Variants in CYSLTR2 observed in about 807,000 individuals in gnomAD.
CYSLTR2 encodes G-protein coupled receptor GPCR21.
For missense variants in CYSLTR2, 398 were observed against 411.9 expected, an observed-to-expected ratio of 0.97 and a Z score of 0.29; for synonymous variants, 179 against 160.8, an observed-to-expected ratio of 1.11 and a Z score of -0.86.
At chr13:48,657,234 C>T (rs1414668044) in intron 1 of CYSLTR2, among the ~76,000 whole-genome samples, 1 of 152,178 alleles carries the variant, frequency 6.6e-6, no homozygotes, top group African/African-American at 2.4e-5. Context: ...AGGAAAACCT[C>T]TTCCAATGGA....
In CYSLTR2 at chr13:48,672,449, A is replaced by T. The variant is rs187919388; in HGVS notation, c.-266+18432A>T. Among the ~76,000 whole-genome samples the T allele has an allele frequency of 2.2e-4, 33 of 152,138 alleles. No individual in the cohort carries two copies. In the East Asian group the frequency reaches 6.4e-3, roughly 29 times the overall value. Reference sequence around the variant, plus strand: ...AAATTTCCTTCTAAACAGTGCTTTAACTGTGTCCCAGAGGTTCTGATACAT... The same window carrying T: ...AAATTTCCTTCTAAACAGTGCTTTATCTGTGTCCCAGAGGTTCTGATACAT... On this transcript the variant is annotated intron_variant, in intron 1 of 4. Transcript: ENST00000682523.
At chr13:48,679,107 G>A (rs533075958) in intron 1 of CYSLTR2, among the ~76,000 whole-genome samples, 1 of 152,112 alleles carries the variant, frequency 6.6e-6, no homozygotes, top group East Asian at 1.9e-4. Context: ...CTTCACCTAG[G>A]CTCTACTATA....
chr13:48,693,922 G>T (rs1225182832), intron 3 of CYSLTR2, among the ~76,000 whole-genome samples: 1 of 152,188 alleles, frequency 6.6e-6, no homozygotes, highest in Non-Finnish European at 1.5e-5. Flanking sequence ...AGTTCCTCAA[G>T]GTGGCCATTG....
Sources: allele counts gnomAD v4.1 joint callset (sites outside exome capture counted in the v4.1 genomes callset), GRCh38; gene constraint gnomAD v4.1.1; transcripts MANE v1.5; gene names NCBI Gene and HGNC (gene_info 2026-07-23, HGNC 2026-07-21).